MAP4: variants seen among roughly 807,000 people sequenced by gnomAD.
MAP4 encodes the protein microtubule-associated protein 4.
MAP4 carries 76 observed loss-of-function variants against 170.2 expected under a neutral mutation model. The ratio of observed to expected loss-of-function variants is 0.45; its 90% CI spans 0.37 to 0.54. The LOEUF is 0.54. Ranked by LOEUF, MAP4 falls within the 20% of genes least tolerant of loss-of-function variation. MAP4 has a pLI of 0.00. For synonymous variants in MAP4, 909 were observed against 994.5 expected (o/e 0.91, Z 1.62); for missense variants, 2,506 against 2,748.0 (o/e 0.91, Z 1.97).
chr3:47,975,762 A>G (rs1375961958), intron 3 of MAP4, among the ~76,000 whole-genome samples: 1 of 152,010 alleles, frequency 6.6e-6, no homozygotes, highest in South Asian at 2.1e-4. Flanking sequence ...TCCCTCCCCA[A>G]ATAAAACATG....
intron 1 of MAP4, among the ~76,000 whole-genome samples, chr3:48,014,749 C>A (rs774635829): frequency 1.4e-4 from 22 of 152,010 alleles, no homozygotes; most frequent in Non-Finnish European, 2.6e-4. Context: ...TTTACTGTGT[C>A]ACATTAGCCA....
At chr3:48,013,608 T>C (rs1249571865) in intron 1 of MAP4, 1 of 151,086 alleles carries the variant, frequency 6.6e-6, no homozygotes, top group Non-Finnish European at 1.5e-5. Flanking sequence ...CAGTTAGCTA[T>C]AAATAAACCC....
chr3:48,079,738 C>T (rs892223941), intron 1 of MAP4, among the ~76,000 whole-genome samples: 1 of 152,036 alleles, frequency 6.6e-6, no homozygotes, highest in Admixed American at 6.6e-5. Flanking sequence ...ATCAAGAGGT[C>T]AGGAGATCGA....
chr3:47,888,812 T>G (rs1027264593), intron 10 of MAP4, among the ~76,000 whole-genome samples: 1 of 152,252 alleles, frequency 6.6e-6, no homozygotes, highest in Non-Finnish European at 1.5e-5. Context: ...GGCTTTGGAA[T>G]ATTTCCTTAA....
At chr3:48,073,884 T>G (rs2100142291) in intron 1 of MAP4, among the ~76,000 whole-genome samples, 1 of 152,206 alleles carries the variant, frequency 6.6e-6, no homozygotes, top group Non-Finnish European at 1.5e-5. Context: ...TCAACCATTG[T>G]GGACTACAGT....
intron 3 of MAP4, among the ~76,000 whole-genome samples, chr3:47,941,067 C>T (rs991381960): frequency 5.9e-5 from 9 of 151,494 alleles, no homozygotes; most frequent in Admixed American, 2.0e-4. Context: ...TTAGTAGAGA[C>T]GGGGTTTTAC....
chr3:47,960,471 G>T (rs2100070911), intron 3 of MAP4: 1 of 189,584 alleles, frequency 5.3e-6, no homozygotes, highest in Non-Finnish European at 1.2e-5. Context: ...TTGGAGTTAG[G>T]TCATATCCTG....
chr3:47,852,583 C>A lies in MAP4; in HGVS notation c.*351G>T. The A allele has an allele frequency of 1.6e-6, 1 of 627,154 alleles. No individual in the cohort carries two copies. Among genetic ancestry groups the A allele is most frequent in the Non-Finnish European group, 2.6e-6 (1 of 378,926 alleles). 38.8% of individuals were successfully genotyped at this position (627,154 alleles called of 1,614,324 possible). ...GAATCTGGTTCTCCTCTCCTAGATCCCAACTTAGCCTCAACCACCCCAACC... is the reference window on the plus strand; with the variant it reads ...GAATCTGGTTCTCCTCTCCTAGATCACAACTTAGCCTCAACCACCCCAACC... On this transcript the variant is annotated 3_prime_UTR_variant, in exon 21 of 21. Transcript: ENST00000683076.
intron 2 of MAP4, among the ~76,000 whole-genome samples, chr3:47,996,480 C>T (rs2100095703): frequency 6.6e-6 from 1 of 152,116 alleles, no homozygotes; most frequent in African/African-American, 2.4e-5. Flanking sequence ...CACGGGTACA[C>T]AGGGAAGGCT....
intron 10 of MAP4, among the ~76,000 whole-genome samples, chr3:47,878,927 T>C (rs1420311183): frequency 6.6e-6 from 1 of 152,206 alleles, no homozygotes; most frequent in Non-Finnish European, 1.5e-5. Flanking sequence ...ACTTGGTAGG[T>C]ATGTGAACTG....
rs764945053 is a variant in MAP4, at chr3:47,910,276, T to C, written c.4145A>G (p.Glu1382Gly). Residue 1382 changes from glutamate to glycine, a missense_variant, in exon 9 of 21, where the codon GAG becomes GGG. Physicochemically the swap from Glu to Gly is moderately conservative, Grantham distance 98. Around this residue, in one of 3 missense-constraint regions of MAP4, gnomAD observed 2,008 missense variants for 2,206.0 expected, o/e 0.91. Coordinates refer to ENST00000683076, the MANE Select transcript of MAP4 (RefSeq NM_001385682.1). The stretch of plus-strand genomic sequence containing the variant: ...TATTTTTGTTGCATCTATCTTATTC[T>C]CCAGAATGTGCTTCTCAGGAGAACT... ...KNSSPEKHIL[E>G]NKIDATKIHV... 2.7e-5 allele frequency: 44 copies of C among 1,602,056 alleles called. No homozygotes were observed. The South Asian group carries it at 4.9e-4, about 18-fold the overall frequency.
intron 1 of MAP4, among the ~76,000 whole-genome samples, chr3:48,009,956 G>A (rs951587628): frequency 6.6e-6 from 1 of 152,186 alleles, no homozygotes. Context: ...CTCAGAGGGG[G>A]AGTTACAGTG....
chr3:48,004,514 G>A (rs1302804630), intron 1 of MAP4, among the ~76,000 whole-genome samples: 1 of 152,206 alleles, frequency 6.6e-6, no homozygotes, highest in Non-Finnish European at 1.5e-5. Flanking sequence ...GGCTTCAGAA[G>A]CAGATACTGA....
In MAP4 at chr3:47,909,475, G is replaced by A. The variant is rs769571235; in HGVS notation, c.4946C>T (p.Ser1649Leu). 11 of 1,613,666 alleles carry A rather than the reference G, an allele frequency of 6.8e-6. No homozygotes were observed. In the South Asian group the frequency reaches 1.2e-4, roughly 18 times the overall value. ...QNAQDRNSKG[S>L]DSLNKKVDLT... The stretch of plus-strand genomic sequence containing the variant: ...ATCTACCTTCTTATTCAAACTATCT[G>A]AACCTTTGGAATTTCTATCTTGAGC... The change falls in exon 9 of 21, where the codon TCA (serine) becomes TTA (leucine). Residue 1649 changes from serine (S) to leucine (L), a missense_variant. Ser to Leu is a moderately radical substitution (Grantham distance 145). This residue lies in a region of MAP4 where 2,008 missense variants were observed against 2,206.0 expected (regional missense o/e 0.91). Transcript: ENST00000683076.
intron 2 of MAP4, among the ~76,000 whole-genome samples, chr3:47,996,337 A>G (rs1440652719): frequency 1.3e-5 from 2 of 152,192 alleles, no homozygotes; most frequent in African/African-American, 4.8e-5. Flanking sequence ...TAACGTTGAG[A>G]AAGACCCAAA....
chr3:47,969,362 C>T (rs777886025), intron 3 of MAP4, among the ~76,000 whole-genome samples: 100 of 150,802 alleles, frequency 6.6e-4, no homozygotes, highest in Non-Finnish European at 1.2e-3. Flanking sequence ...GCCAAGATCA[C>T]GCCATTGCAC....
At chr3:47,983,177 T>C (rs1201110771) in intron 2 of MAP4, among the ~76,000 whole-genome samples, 1 of 152,118 alleles carries the variant, frequency 6.6e-6, no homozygotes, top group Non-Finnish European at 1.5e-5. Flanking sequence ...AGTGATAGAA[T>C]TACAGGCATG....
At chr3:47,885,917 T>A (rs1406560648) in intron 10 of MAP4, among the ~76,000 whole-genome samples, 8 of 151,952 alleles carry the variant, frequency 5.3e-5, no homozygotes, top group Non-Finnish European at 5.9e-5. Context: ...TTTAGTAGAG[T>A]TGGGGTTTCG....
chr3:47,978,956 T>A (rs1252379455), intron 2 of MAP4, among the ~76,000 whole-genome samples: 1 of 152,110 alleles, frequency 6.6e-6, no homozygotes, highest in Non-Finnish European at 1.5e-5. Flanking sequence ...CACTCCTTTA[T>A]CAGATAAATT....
Sources: allele counts gnomAD v4.1 joint callset (sites outside exome capture counted in the v4.1 genomes callset), GRCh38; gene constraint gnomAD v4.1.1; regional missense constraint gnomAD v4.1.1; transcripts MANE v1.5; gene names NCBI Gene and HGNC (gene_info 2026-07-23, HGNC 2026-07-21).